Variants in MDN1 observed in about 807,000 individuals in gnomAD.
MDN1 encodes midasin.
In MDN1, 266 loss-of-function variants were observed where a neutral mutation model predicts 669.2. The observed-to-expected ratio is 0.40, with a 90% CI of 0.36 to 0.44. The LOEUF is 0.44. Ranked by LOEUF, MDN1 falls within the 20% of genes least tolerant of loss-of-function variation. MDN1 has a pLI of 1.00. For missense variants in MDN1, 5,940 were observed against 6,754.0 expected (o/e 0.88, Z 4.22); for synonymous variants, 2,385 against 2,457.1 (o/e 0.97, Z 0.87).
chr6:89,656,293 G>A (rs1240871415), intron 91 of MDN1, among the ~76,000 whole-genome samples: 2 of 152,120 alleles, frequency 1.3e-5, no homozygotes, highest in East Asian at 3.8e-4. Context: ...ACAGGAATAG[G>A]ATGTAGGCTT....
At chr6:89,719,109 G>T in intron 41 of MDN1, 27 bp downstream of exon 41, 8 of 1,611,824 alleles carry the variant, frequency 5.0e-6, no homozygotes, top group Non-Finnish European at 6.8e-6. Flanking sequence ...AATGTCAAAG[G>T]ATAGAGGATT....
At chr6:89,708,195 T>A (rs1813648142) in intron 51 of MDN1, among the ~76,000 whole-genome samples, 1 of 152,058 alleles carries the variant, frequency 6.6e-6, no homozygotes, top group Non-Finnish European at 1.5e-5. Flanking sequence ...CCCAGGTACT[T>A]GGGAGGCTGA....
intron 1 of MDN1, among the ~76,000 whole-genome samples, chr6:89,808,034 C>T (rs1768126990): frequency 6.6e-6 from 1 of 151,274 alleles, no homozygotes; most frequent in African/African-American, 2.4e-5. Flanking sequence ...CAGGCTCAGA[C>T]TGATCACAAA....
At chr6:89,676,758 T>TTAAAG (rs1430563611) in intron 76 of MDN1, among the ~76,000 whole-genome samples, 1 of 152,160 alleles carries the variant, frequency 6.6e-6, no homozygotes, top group Admixed American at 6.5e-5. Flanking sequence ...GAATTCAAAT[T>TTAAAG]TAAAGCCCTG....
At chr6:89,780,390 T>C in intron 10 of MDN1, 97 bp from the exon 11 acceptor site, 1 of 615,182 alleles carries the variant, frequency 1.6e-6, no homozygotes, top group Non-Finnish European at 2.6e-6. Context: ...AGTCTGGGCA[T>C]ACCTGATAAC....
chr6:89,744,175 G>C (rs1816461778), intron 29 of MDN1, among the ~76,000 whole-genome samples: 1 of 144,080 alleles, frequency 6.9e-6, no homozygotes. Context: ...TTATAGACTT[G>C]ACAGACTTTC....
Position 89,648,343 on chromosome 6 carries a change from A to C in MDN1, c.16207-14T>G. On this transcript the variant is annotated splice_polypyrimidine_tract_variant and intron_variant, in intron 97 of 101. Coordinates refer to ENST00000369393, the MANE Select transcript of MDN1 (RefSeq NM_014611.3). ...TTCAAATGCAAGCTGTGAATTAGAA[A>C]GTTAATGATTTTAGGAATCAGAATA... The C allele has an allele frequency of 6.2e-7, 1 of 1,612,204 alleles. No homozygotes were observed. The highest frequency in any genetic ancestry group is 8.5e-7 in the Non-Finnish European group (1 of 1,178,224).
Position 89,708,477 on chromosome 6 carries a change from A to T in MDN1, c.7898+19T>A. The T allele has an allele frequency of 6.2e-7, 1 of 1,613,682 alleles. No homozygotes were observed. Among genetic ancestry groups the T allele is most frequent in the Middle Eastern group, 1.7e-4 (1 of 6,058 alleles). The stretch of plus-strand genomic sequence containing the variant: ...AGCCAGTGAGGCAAACAGTGCCCAG[A>T]GCAGCAGGTTTCACTTACTTGTTTG... On this transcript the variant is annotated intron_variant, in intron 51 of 101. Coordinates refer to ENST00000369393, the MANE Select transcript of MDN1 (RefSeq NM_014611.3).
Position 89,688,148 on chromosome 6 carries a change from C to A in MDN1, c.11285G>T (p.Arg3762Leu). Residue 3762 changes from arginine to leucine, a missense_variant, in exon 67 of 102, where the codon CGT (arginine) becomes CTT (leucine). Around this residue, in one of 5 missense-constraint regions of MDN1, gnomAD observed 2,280 missense variants for 2,576.3 expected, o/e 0.88. Coordinates refer to ENST00000369393, the MANE Select transcript of MDN1 (RefSeq NM_014611.3). ...GATGGGACTGGAAAGTGGGAAACTA[C>A]GAATTCTGTCCATTACAACCAGGAG... ...EQLLVVMDRI[R>L]SFPLSSPISK... The A allele has an allele frequency of 1.2e-6, 2 of 1,614,028 alleles. No individual in the cohort carries two copies. Among genetic ancestry groups the A allele is most frequent in the Non-Finnish European group, 1.7e-6 (2 of 1,179,956 alleles).
Position 89,699,660 on chromosome 6 carries a change from G to A in MDN1, c.8938C>T (p.His2980Tyr). 6.2e-7 allele frequency: 1 copy of A among 1,614,014 alleles called. No individual in the cohort carries two copies. Among genetic ancestry groups the A allele is most frequent in the Non-Finnish European group, 8.5e-7 (1 of 1,179,946 alleles). ...AGCTCTTGAGGTGTAACAGGTGTGT[G>A]ATAAAGACAAAATGAGATGAGGTGA... Reference protein sequence around the residue: ...ISHLISFCLYHTPVTPQELRD... With the variant: ...ISHLISFCLYYTPVTPQELRD... Residue 2980 changes from histidine to tyrosine, a missense_variant, in exon 58 of 102, where the codon CAC becomes TAC. Transcript: ENST00000369393.
intron 14 of MDN1, among the ~76,000 whole-genome samples, chr6:89,772,223 G>A (rs1818118711): frequency 6.6e-6 from 1 of 152,074 alleles, no homozygotes; most frequent in Admixed American, 6.6e-5. Context: ...AGTGAGCTGT[G>A]AGCTGTGGGC....
rs1808740299 is a variant in MDN1, at chr6:89,650,024, C to A, written c.16206G>T (p.Gln5402His). ...SSSMVDNHTK[Q>H]LAFESLAVIG... ...CTGCCACTGCATTTCTCTTCCTTACCTGCTTGGTATGATTGTCTACCATAC... is the reference window on the plus strand; with the variant it reads ...CTGCCACTGCATTTCTCTTCCTTACATGCTTGGTATGATTGTCTACCATAC... The change falls in exon 97 of 102, where the codon CAG (glutamine) becomes CAT (histidine). Residue 5402 changes from glutamine (Q) to histidine (H), a missense_variant and splice_region_variant. This residue lies in a region of MDN1 where 2,280 missense variants were observed against 2,576.3 expected (regional missense o/e 0.88). Coordinates refer to ENST00000369393, the MANE Select transcript of MDN1 (RefSeq NM_014611.3). 1 of 1,613,758 alleles carries A rather than the reference C, an allele frequency of 6.2e-7. No homozygotes were observed. Among genetic ancestry groups the A allele is most frequent in the South Asian group, 1.1e-5 (1 of 91,056 alleles).
chr6:89,740,950 G>C (rs1014952231), intron 31 of MDN1, among the ~76,000 whole-genome samples: 9 of 152,222 alleles, frequency 5.9e-5, no homozygotes, highest in African/African-American at 1.9e-4. Context: ...CTGGATTGTA[G>C]GCCGGGCGCA....
rs1398580119 is a variant in MDN1, at chr6:89,708,368, C to T, written c.7898+128G>A. ...TATCGTATGATAAAGGCAATCATGTCCAACACCCCACAACTTCTCAGGTTC... is the reference window on the plus strand; with the variant it reads ...TATCGTATGATAAAGGCAATCATGTTCAACACCCCACAACTTCTCAGGTTC... On this transcript the variant is annotated intron_variant, in intron 51 of 101. Transcript: ENST00000369393. The T allele has an allele frequency of 4.2e-6, 5 of 1,183,368 alleles. No homozygotes were observed. In the African/African-American group the frequency reaches 7.7e-5, roughly 18 times the overall value. The allele number at this position is 1,183,368 out of a possible 1,614,324, so 73.3% of individuals were successfully genotyped here. A position where few individuals can be genotyped will look rare whatever the true frequency, so the allele number is the denominator to read the frequency against.
intron 44 of MDN1, among the ~76,000 whole-genome samples, chr6:89,715,979 A>C (rs998776623): frequency 3.3e-5 from 5 of 152,228 alleles, no homozygotes; most frequent in Admixed American, 1.3e-4. Flanking sequence ...CCTTATACAC[A>C]GTAAATACAC....
At chr6:89,732,046 C>T (rs1338591405) in intron 34 of MDN1, among the ~76,000 whole-genome samples, 4 of 151,894 alleles carry the variant, frequency 2.6e-5, no homozygotes, top group East Asian at 3.9e-4. Context: ...AACCCAACCC[C>T]GGCCAATAAA....
At chr6:89,699,494 C>T in intron 58 of MDN1, 107 bp downstream of exon 58, 1 of 1,336,218 alleles carries the variant, frequency 7.5e-7, no homozygotes, top group Middle Eastern at 2.1e-4. Flanking sequence ...CTGAGGTTTC[C>T]AATATGGAAT....
chr6:89,662,118 C>T lies in MDN1; in HGVS notation c.14534G>A (p.Gly4845Asp), dbSNP rs528018897. The stretch of plus-strand genomic sequence containing the variant: ...TATTTGTTCATTAATTTTGTCTTCA[C>T]CTTGTCCACCATCATCAGCTTCTGC... ...EEAEADDGGQ[G>D]EDKINEQIDE... The change falls in exon 87 of 102, where the codon GGT becomes GAT. Residue 4845 changes from glycine to aspartate, a missense_variant. Physicochemically the swap from Gly to Asp is moderately conservative, Grantham distance 94. Around this residue, in one of 5 missense-constraint regions of MDN1, gnomAD observed 2,280 missense variants for 2,576.3 expected, o/e 0.88. Transcript: ENST00000369393. 1.1e-5 allele frequency: 17 copies of T among 1,613,094 alleles called. No individual in the cohort carries two copies. In the East Asian group the frequency reaches 2.7e-4, roughly 25 times the overall value.
intron 43 of MDN1, among the ~76,000 whole-genome samples, chr6:89,717,750 CAAGA>C (rs1190627352): frequency 3.3e-5 from 5 of 152,100 alleles, no homozygotes; most frequent in Non-Finnish European, 7.4e-5. Context: ...GTTTGCTGGC[CAAGA>C]AGTGGGATGT....
Sources: allele counts gnomAD v4.1 joint callset (sites outside exome capture counted in the v4.1 genomes callset), GRCh38; gene constraint gnomAD v4.1.1; regional missense constraint gnomAD v4.1.1; transcripts MANE v1.5; gene names NCBI Gene and HGNC (gene_info 2026-07-23, HGNC 2026-07-21).